The following KAZN variants were observed in gnomAD, a reference collection of about 807,000 sequenced individuals.
The protein encoded by KAZN is kazrin, periplakin interacting protein.
KAZN carries 40 observed loss-of-function variants against 87.4 expected under a neutral mutation model. The observed-to-expected ratio is 0.46, with a 90% CI of 0.36 to 0.60. The LOEUF is 0.60. KAZN is among the 20% of genes least tolerant of loss of function. The pLI is 0.00. For missense variants in KAZN, 898 were observed against 1,073.9 expected (o/e 0.84, Z 2.29); for synonymous variants, 466 against 458.3 (o/e 1.02, Z -0.22).
At chr1:14,589,829 C>T (rs1035327428) in intron 2 of KAZN, among the ~76,000 whole-genome samples, 3 of 152,058 alleles carry the variant, frequency 2.0e-5, no homozygotes, top group South Asian at 2.1e-4. Flanking sequence ...AAGTACTTTT[C>T]GTAAGAGAAG....
intron 1 of KAZN, among the ~76,000 whole-genome samples, chr1:14,827,094 C>T (rs909975843): frequency 6.6e-6 from 1 of 152,154 alleles, no homozygotes; most frequent in Non-Finnish European, 1.5e-5. Flanking sequence ...TTTCCTCTTT[C>T]CCCTCACCTG....
chr1:14,235,042 C>T (rs1356030894), intron 2 of KAZN, among the ~76,000 whole-genome samples: 1 of 152,194 alleles, frequency 6.6e-6, no homozygotes, highest in Non-Finnish European at 1.5e-5. Flanking sequence ...ACATACATAT[C>T]CCCAAAGAAT....
intron 8 of KAZN, among the ~76,000 whole-genome samples, chr1:15,069,571 G>T (rs1639415962): frequency 6.6e-6 from 1 of 152,228 alleles, no homozygotes; most frequent in African/African-American, 2.4e-5. Context: ...AGCTTGCAGT[G>T]AGCCGAGATC....
chr1:15,103,406 C>G lies in KAZN; in HGVS notation c.1827C>G (p.Pro609=). The G allele has an allele frequency of 6.4e-7, 1 of 1,552,448 alleles. No homozygotes were observed. The highest frequency in any genetic ancestry group is 8.7e-7 in the Non-Finnish European group (1 of 1,147,454). Residue 609 remains proline (P), a synonymous_variant, in exon 12 of 15, where the codon CCC becomes CCG. Transcript: ENST00000376030. ...RARCETQNID[P]VVWTNQRVLK... is the part of the protein sequence containing the mutation. ...GCTGCGAGACGCAGAACATTGACCCCGTGGTGTGGACCAACCAGCGGGTGC... is the reference window on the plus strand; with the variant it reads ...GCTGCGAGACGCAGAACATTGACCCGGTGGTGTGGACCAACCAGCGGGTGC...
chr1:14,079,549 G>A (rs565409080), intron 1 of KAZN, among the ~76,000 whole-genome samples: 9 of 152,226 alleles, frequency 5.9e-5, no homozygotes, highest in Non-Finnish European at 1.2e-4. Flanking sequence ...CATTTTCAGC[G>A]GCCGAGGATT....
chr1:14,099,183 A>G (rs1644194277), intron 1 of KAZN, among the ~76,000 whole-genome samples: 1 of 152,122 alleles, frequency 6.6e-6, no homozygotes, highest in South Asian at 2.1e-4. Context: ...CCTTTGCTAG[A>G]TAACTGGAGC....
intron 2 of KAZN, among the ~76,000 whole-genome samples, chr1:14,490,497 G>A (rs1417560959): frequency 6.6e-6 from 1 of 151,942 alleles, no homozygotes; most frequent in East Asian, 1.9e-4. Context: ...TGGTTTGTTT[G>A]TTTGTTTGTT....
chr1:15,053,837 G>A (rs1324223005), intron 4 of KAZN, among the ~76,000 whole-genome samples: 1 of 152,244 alleles, frequency 6.6e-6, no homozygotes, highest in Non-Finnish European at 1.5e-5. Flanking sequence ...AGCCAGGTTG[G>A]CGGGGCAAGG....
chr1:14,471,911 A>T (rs1668475598), intron 2 of KAZN, among the ~76,000 whole-genome samples: 2 of 152,232 alleles, frequency 1.3e-5, no homozygotes, highest in South Asian at 4.1e-4. Flanking sequence ...AGGACTATGT[A>T]TTAGTCTCTT....
At chr1:14,553,665 C>A (rs531870336) in intron 2 of KAZN, among the ~76,000 whole-genome samples, 1 of 152,270 alleles carries the variant, frequency 6.6e-6, no homozygotes, top group East Asian at 1.9e-4. Context: ...TTATCTGAAA[C>A]CCCCCTCTTG....
chr1:15,109,939 G>GTTTGTGTGTT (rs1241821438), intron 13 of KAZN, among the ~76,000 whole-genome samples: 1 of 150,884 alleles, frequency 6.6e-6, no homozygotes, highest in Admixed American at 6.6e-5. Context: ...GTGTGTGTGT[G>GTTTGTGTGTT]TGTTTGTGTA....
At chr1:14,449,364 C>T (rs1184124269) in intron 2 of KAZN, among the ~76,000 whole-genome samples, 2 of 152,256 alleles carry the variant, frequency 1.3e-5, no homozygotes, top group East Asian at 1.9e-4. Context: ...TAGTTGTTTG[C>T]GTCTTTTCCT....
intron 2 of KAZN, among the ~76,000 whole-genome samples, chr1:14,228,679 A>G (rs769100949): frequency 1.1e-4 from 17 of 152,300 alleles, no homozygotes; most frequent in Non-Finnish European, 1.9e-4. Context: ...TCTGAATCTC[A>G]TCTTCTTTGG....
intron 1 of KAZN, among the ~76,000 whole-genome samples, chr1:14,132,469 G>T (rs1645011921): frequency 6.6e-6 from 1 of 152,316 alleles, no homozygotes; most frequent in East Asian, 1.9e-4. Context: ...GCCTGAGCAT[G>T]CATTAAGCTG....
At chr1:15,086,033 C>T (rs1217136162) in intron 8 of KAZN, among the ~76,000 whole-genome samples, 1 of 152,026 alleles carries the variant, frequency 6.6e-6, no homozygotes, top group South Asian at 2.1e-4. Flanking sequence ...TGCAGTGGTG[C>T]GATCTCGGCT....
At chr1:15,101,423 T>C in intron 10 of KAZN, 120 bp from the exon 11 acceptor site, 1 of 683,484 alleles carries the variant, frequency 1.5e-6, no homozygotes. Flanking sequence ...TGTGGCTCTC[T>C]TGGTCCTCCC....
chr1:13,984,816 T>C (rs1417980162), intron 1 of KAZN, among the ~76,000 whole-genome samples: 2 of 152,252 alleles, frequency 1.3e-5, no homozygotes, highest in Admixed American at 6.5e-5. Flanking sequence ...ACATAATTCA[T>C]GTGCCATACA....
intron 2 of KAZN, among the ~76,000 whole-genome samples, chr1:14,415,807 C>G (rs1664707886): frequency 6.6e-6 from 1 of 152,046 alleles, no homozygotes; most frequent in Non-Finnish European, 1.5e-5. Flanking sequence ...CCCGCTTCCC[C>G]CAAAGAACCC....
At chr1:15,041,610 T>G in intron 3 of KAZN, among the ~76,000 whole-genome samples, 1 of 152,090 alleles carries the variant, frequency 6.6e-6, no homozygotes, top group East Asian at 1.9e-4. Flanking sequence ...ATACTGGGAC[T>G]ACAGGCATGA....
Sources: allele counts gnomAD v4.1 joint callset (sites outside exome capture counted in the v4.1 genomes callset), GRCh38; gene constraint gnomAD v4.1.1; transcripts MANE v1.5; gene names NCBI Gene and HGNC (gene_info 2026-07-23, HGNC 2026-07-21).